Variants in TANGO6 observed in about 807,000 individuals in gnomAD.
TANGO6 encodes transport and Golgi organization protein 6 homolog.
A neutral mutation model predicts 114.2 loss-of-function variants in TANGO6; 90 were observed. The observed-to-expected ratio is 0.79, with a 90% CI of 0.66 to 0.94. The LOEUF (loss-of-function observed/expected upper bound fraction) is 0.94, where lower values mean the gene tolerates loss of function less well. Ranked by LOEUF, TANGO6 falls within the 40% of genes least tolerant of loss-of-function variation. The pLI, the probability that TANGO6 is intolerant of heterozygous loss-of-function variation, is 0.00. For synonymous variants in TANGO6, 477 were observed against 509.8 expected, an observed-to-expected ratio of 0.94 and a Z score of 0.87; for missense variants, 1,274 against 1,315.3, an observed-to-expected ratio of 0.97 and a Z score of 0.49.
At chr16:69,042,116 G>A (rs1250428740) in intron 17 of TANGO6, among the ~76,000 whole-genome samples, 1 of 152,184 alleles carries the variant, frequency 6.6e-6, no homozygotes, top group East Asian at 1.9e-4. Flanking sequence ...AAAGGAGCCT[G>A]ACAATGTATT....
intron 14 of TANGO6, among the ~76,000 whole-genome samples, chr16:68,950,564 T>TA (rs932725455): frequency 7.3e-6 from 1 of 137,404 alleles, no homozygotes; most frequent in African/African-American, 2.7e-5. Flanking sequence ...GACTCTGTTT[T>TA]AAAAAAAAAA....
intron 14 of TANGO6, chr16:68,948,337 G>A (rs1196382037): frequency 6.6e-6 from 1 of 152,118 alleles, no homozygotes; most frequent in Non-Finnish European, 1.5e-5. Context: ...CATTTATTGA[G>A]TATCTATGTG....
At chr16:68,953,621 G>C (rs1963495895) in intron 14 of TANGO6, among the ~76,000 whole-genome samples, 1 of 152,112 alleles carries the variant, frequency 6.6e-6, no homozygotes, top group African/African-American at 2.4e-5. Context: ...ACTAGATAAA[G>C]GGTGGCTCCA....
At chr16:69,004,767 T>A (rs1964077931) in intron 15 of TANGO6, among the ~76,000 whole-genome samples, 1 of 152,228 alleles carries the variant, frequency 6.6e-6, no homozygotes, top group Non-Finnish European at 1.5e-5. Context: ...CCTTCAGGAC[T>A]ATTGTCCCCA....
intron 5 of TANGO6, among the ~76,000 whole-genome samples, chr16:68,876,016 T>C (rs896556077): frequency 1.3e-5 from 2 of 152,150 alleles, no homozygotes; most frequent in African/African-American, 2.4e-5. Flanking sequence ...CCCTCAGAGG[T>C]AGTCACTGCT....
intron 7 of TANGO6, among the ~76,000 whole-genome samples, chr16:68,881,307 A>G (rs1470523553): frequency 1.3e-5 from 2 of 152,186 alleles, no homozygotes; most frequent in African/African-American, 4.8e-5. Flanking sequence ...TGAGGCCCGG[A>G]GTTCAAGACC....
At chr16:69,063,379 G>C (rs1432170607) in intron 17 of TANGO6, among the ~76,000 whole-genome samples, 1 of 152,028 alleles carries the variant, frequency 6.6e-6, no homozygotes, top group Non-Finnish European at 1.5e-5. Context: ...AAAAAAATTA[G>C]CCGGGCGTGA....
chr16:68,877,995 G>T, intron 5 of TANGO6, 123 bp from the exon 6 acceptor site: 1 of 737,614 alleles, frequency 1.4e-6, no homozygotes, highest in Non-Finnish European at 2.1e-6. Context: ...AAAGAATTCT[G>T]TTGAATCAGT....
chr16:69,054,758 A>C lies in TANGO6; in HGVS notation c.3108+14337A>C, dbSNP rs376710633. On this transcript the variant is annotated intron_variant, in intron 17 of 17. Coordinates refer to ENST00000261778, the MANE Select transcript of TANGO6 (RefSeq NM_024562.2). The stretch of plus-strand genomic sequence containing the variant: ...ACCATCCTGGCTAACACGGTGAAAC[A>C]CCATCTCTACTAAAAATACAAAAAA... Among the ~76,000 whole-genome samples the C allele has an allele frequency of 2.7e-3, 391 of 146,150 alleles. 15 individuals carry two copies. In the East Asian group the frequency reaches 0.07, roughly 26 times the overall value.
intron 5 of TANGO6, among the ~76,000 whole-genome samples, chr16:68,876,740 G>T (rs952511446): frequency 6.6e-6 from 1 of 152,060 alleles, no homozygotes; most frequent in Non-Finnish European, 1.5e-5. Context: ...AGAATCTCTT[G>T]AACCTGGGAG....
intron 17 of TANGO6, among the ~76,000 whole-genome samples, chr16:69,054,736 A>G (rs954266885): frequency 7.3e-5 from 11 of 151,494 alleles, no homozygotes; most frequent in African/African-American, 2.2e-4. Context: ...GATCGAGACC[A>G]TCCTGGCTAA....
At position 69,045,186 on chromosome 16, in the gene TANGO6, G is replaced by A. The variant is rs1231639835; in HGVS notation, c.3108+4765G>A. Among the ~76,000 whole-genome samples, 5 of 149,798 alleles carry A rather than the reference G, an allele frequency of 3.3e-5. No homozygotes were observed. In the Admixed American group the frequency reaches 3.4e-4, roughly 10 times the overall value. On this transcript the variant is annotated intron_variant, in intron 17 of 17. Coordinates refer to ENST00000261778, the MANE Select transcript of TANGO6 (RefSeq NM_024562.2). ...AAAAAAAAAAAAAGCTGGGCGCGGC[G>A]ACTCACACCTATAATCCCAGCACTT...
intron 6 of TANGO6, among the ~76,000 whole-genome samples, chr16:68,879,393 G>A (rs962352774): frequency 2.0e-5 from 3 of 152,022 alleles, no homozygotes; most frequent in African/African-American, 7.2e-5. Context: ...TGAGGTGGGA[G>A]GATCACTTGA....
At chr16:68,922,562 A>T (rs1597021321) in intron 12 of TANGO6, among the ~76,000 whole-genome samples, 1 of 123,518 alleles carries the variant, frequency 8.1e-6, no homozygotes, top group East Asian at 2.0e-4. Flanking sequence ...ATTTATAATT[A>T]AAAAAAAAAA....
chr16:68,883,586 T>C (rs1962494881), intron 7 of TANGO6, among the ~76,000 whole-genome samples: 1 of 152,204 alleles, frequency 6.6e-6, no homozygotes, highest in African/African-American at 2.4e-5. Flanking sequence ...ATAATAACAT[T>C]TTGGCTGTTA....
chr16:69,045,445 A>G (rs1959840997), intron 17 of TANGO6, among the ~76,000 whole-genome samples: 1 of 142,670 alleles, frequency 7.0e-6, no homozygotes, highest in Admixed American at 7.1e-5. Flanking sequence ...CTCCATCTCA[A>G]AAAAAAAAAA....
intron 17 of TANGO6, among the ~76,000 whole-genome samples, chr16:69,056,834 C>T (rs982442231): frequency 7.9e-5 from 12 of 151,834 alleles, no homozygotes; most frequent in African/African-American, 1.5e-4. Context: ...CGCCTGCCAC[C>T]ACGCCCAACT....
intron 15 of TANGO6, among the ~76,000 whole-genome samples, chr16:68,976,470 AAAACAATAGTT>A (rs576147583): frequency 6.6e-6 from 1 of 152,368 alleles, no homozygotes; most frequent in African/African-American, 2.4e-5. Flanking sequence ...AAGGACAAAG[AAAACAATAGTT>A]CATTCTGAAG....
chr16:69,022,062 T>G (rs1322049619), intron 15 of TANGO6, among the ~76,000 whole-genome samples: 3 of 151,902 alleles, frequency 2.0e-5, no homozygotes, highest in Non-Finnish European at 4.4e-5. Context: ...ATTTTTTATA[T>G]TTTTAGTAGA....
Sources: allele counts gnomAD v4.1 joint callset (sites outside exome capture counted in the v4.1 genomes callset), GRCh38; gene constraint gnomAD v4.1.1; transcripts MANE v1.5; gene names NCBI Gene and HGNC (gene_info 2026-07-23, HGNC 2026-07-21).